Variants in TP53BP1 observed in about 807,000 individuals in gnomAD.
TP53BP1 encodes the protein TP53-binding protein 1.
TP53BP1 carries 61 observed loss-of-function variants against 200.8 expected under a neutral mutation model. The observed-to-expected ratio is 0.30, with a 90% CI of 0.25 to 0.38. TP53BP1 has a LOEUF of 0.38. TP53BP1 is among the 10% of genes least tolerant of loss of function. The probability of loss-of-function intolerance (pLI) is 1.00; values close to 1 mark genes in which losing one functional copy is unlikely to be tolerated. For synonymous variants in TP53BP1, 822 were observed against 844.3 expected, an observed-to-expected ratio of 0.97 and a Z score of 0.46; for missense variants, 2,144 against 2,371.9, an observed-to-expected ratio of 0.90 and a Z score of 2.00.
chr15:43,405,224 G>T lies in TP53BP1; in HGVS notation c.*2159C>A. 6.2e-7 allele frequency: 1 copy of T among 1,613,988 alleles called. No homozygotes were observed. Among genetic ancestry groups the T allele is most frequent in the Non-Finnish European group, 8.5e-7 (1 of 1,179,954 alleles). Reference sequence around the variant, plus strand: ...TAGTTTCGGGATGTGAAAATTTCTGGCTCATAAATTGAAATAACAGCCACG... The same window carrying T: ...TAGTTTCGGGATGTGAAAATTTCTGTCTCATAAATTGAAATAACAGCCACG... On this transcript the variant is annotated 3_prime_UTR_variant, in exon 28 of 28. Coordinates refer to ENST00000382044, the MANE Select transcript of TP53BP1 (RefSeq NM_001141980.3).
intron 16 of TP53BP1, among the ~76,000 whole-genome samples, chr15:43,433,395 T>A (rs2045716113): frequency 6.6e-6 from 1 of 152,176 alleles, no homozygotes; most frequent in African/African-American, 2.4e-5. Flanking sequence ...TACCACGATT[T>A]CCGAAGTGAC....
chr15:43,405,075 G>T lies in TP53BP1; in HGVS notation c.*2308C>A. The T allele has an allele frequency of 9.6e-7, 1 of 1,044,122 alleles. No individual in the cohort carries two copies. Among genetic ancestry groups the T allele is most frequent in the African/African-American group, 1.6e-5 (1 of 62,236 alleles). The allele number at this position is 1,044,122 out of a possible 1,614,324, so 64.7% of individuals were successfully genotyped here. A position where few individuals can be genotyped will look rare whatever the true frequency, so the allele number is the denominator to read the frequency against. ...TTTTTTCTAAGCTATTGTAGCAGAA[G>T]AGTCAAAAGAAACTCTTCAGTTTTA... On this transcript the variant is annotated 3_prime_UTR_variant, in exon 28 of 28. Transcript: ENST00000382044.
At chr15:43,429,283 G>A (rs532865183) in intron 17 of TP53BP1, among the ~76,000 whole-genome samples, 1 of 152,008 alleles carries the variant, frequency 6.6e-6, no homozygotes, top group African/African-American at 2.4e-5. Flanking sequence ...ACCTGCCTGT[G>A]GCTAAAAAAA....
chr15:43,441,656 A>G, intron 14 of TP53BP1, 73 bp from the exon 15 acceptor site: 1 of 946,198 alleles, frequency 1.1e-6, no homozygotes, highest in Non-Finnish European at 1.7e-6. Flanking sequence ...CTAAACCTTC[A>G]CTCTGCTCTA....
Position 43,404,381 on chromosome 15 carries a change from G to A in TP53BP1, c.*3002C>T, listed in dbSNP as rs939377029. The A allele has an allele frequency of 3.7e-6, 6 of 1,613,066 alleles. No homozygotes were observed. Among genetic ancestry groups the A allele is most frequent in the South Asian group, 3.3e-5 (3 of 90,952 alleles). On this transcript the variant is annotated 3_prime_UTR_variant, in exon 28 of 28. Coordinates refer to ENST00000382044, the MANE Select transcript of TP53BP1 (RefSeq NM_001141980.3). ...CCATATGGAGAGTTGGTGAGCTGAA[G>A]TGGAATGACAGCTGAGTCCTTCTCT...
At chr15:43,414,163 C>T (rs1487783628) in intron 23 of TP53BP1, 1 of 467,468 alleles carries the variant, frequency 2.1e-6, no homozygotes, top group South Asian at 1.6e-5. Flanking sequence ...GGCAATATGA[C>T]GTTATATGAA....
rs1160099003 is a variant in TP53BP1, at chr15:43,407,159, T to G, written c.*224A>C. The G allele has an allele frequency of 3.9e-6, 2 of 517,546 alleles. No individual in the cohort carries two copies. The highest frequency in any genetic ancestry group is 1.9e-5 in the African/African-American group (1 of 52,534). 32.1% of individuals were successfully genotyped at this position (517,546 alleles called of 1,614,324 possible). On this transcript the variant is annotated 3_prime_UTR_variant, in exon 28 of 28. Coordinates refer to ENST00000382044, the MANE Select transcript of TP53BP1 (RefSeq NM_001141980.3). ...GTTGAAAGACTCAGAGAAAGTACTA[T>G]GTCTTGTCATTTGTTCTGAGATTAA... is the stretch of plus-strand genomic sequence containing the variant.
chr15:43,462,834 A>G (rs2046472385), intron 11 of TP53BP1, among the ~76,000 whole-genome samples: 1 of 152,124 alleles, frequency 6.6e-6, no homozygotes, highest in African/African-American at 2.4e-5. Context: ...AGGCAGGCAG[A>G]TCACTTAAGG....
Position 43,420,688 on chromosome 15 carries a change from T to G in TP53BP1, c.4298A>C (p.Asn1433Thr), listed in dbSNP as rs748869829. Residue 1433 changes from asparagine to threonine, a missense_variant, in exon 21 of 28, where the codon AAC becomes ACC. Asn to Thr is a moderately conservative substitution (Grantham distance 65). Around this residue, in one of 4 missense-constraint regions of TP53BP1, gnomAD observed 1,700 missense variants for 1,710.3 expected, o/e 0.99. Coordinates refer to ENST00000382044, the MANE Select transcript of TP53BP1 (RefSeq NM_001141980.3). ...GPLGIEDISP[N>T]LSPDDKSFSR... Reference sequence around the variant, plus strand: ...GAAGGATTTATCATCTGGTGACAAGTTAGGTGAAATGTCCTCTATGCCCAA... The same window carrying G: ...GAAGGATTTATCATCTGGTGACAAGGTAGGTGAAATGTCCTCTATGCCCAA... The G allele has an allele frequency of 2.5e-6, 4 of 1,614,042 alleles. No individual in the cohort carries two copies. The highest frequency in any genetic ancestry group is 3.4e-6 in the Non-Finnish European group (4 of 1,180,038).
intron 12 of TP53BP1, among the ~76,000 whole-genome samples, chr15:43,450,248 C>T (rs1433305731): frequency 1.3e-5 from 2 of 152,188 alleles, no homozygotes; most frequent in East Asian, 3.8e-4. Context: ...ATTTAAAACT[C>T]TAAATGTTAA....
intron 12 of TP53BP1, 31 bp from the exon 13 acceptor site, chr15:43,447,516 G>C: frequency 7.3e-7 from 1 of 1,377,168 alleles, no homozygotes. Context: ...AAAAAAGAAA[G>C]AAAGAAAAAA....
At chr15:43,448,670 G>C (rs1159918524) in intron 12 of TP53BP1, among the ~76,000 whole-genome samples, 1 of 151,870 alleles carries the variant, frequency 6.6e-6, no homozygotes, top group Non-Finnish European at 1.5e-5. Flanking sequence ...CTCCCAAGTA[G>C]CTGGGACTAC....
In TP53BP1 at chr15:43,456,095, G is replaced by A. The variant is rs1259927718; in HGVS notation, c.2513C>T (p.Pro838Leu). ...ATCTGCTCTCACTAAAGGTAAGGAAGGCTGTGAAGAATCTTGCTCTACAGG... is the reference window on the plus strand; with the variant it reads ...ATCTGCTCTCACTAAAGGTAAGGAAAGCTGTGAAGAATCTTGCTCTACAGG... Reference protein sequence around the residue: ...TEPVEQDSSQPSLPLVRADDP... With the variant: ...TEPVEQDSSQLSLPLVRADDP... Residue 838 changes from proline to leucine, a missense_variant, in exon 12 of 28, where the codon CCT (proline) becomes CTT (leucine). Coordinates refer to ENST00000382044, the MANE Select transcript of TP53BP1 (RefSeq NM_001141980.3). The A allele has an allele frequency of 6.2e-7, 1 of 1,614,194 alleles. No individual in the cohort carries two copies. Among genetic ancestry groups the A allele is most frequent in the Admixed American group, 1.7e-5 (1 of 60,028 alleles).
chr15:43,457,112 T>G lies in TP53BP1; in HGVS notation c.1496A>C (p.Glu499Ala), dbSNP rs147128866. The change falls in exon 12 of 28, where the codon GAG becomes GCG. Residue 499 changes from glutamate (E) to alanine (A), a missense_variant. Transcript: ENST00000382044. ...SLTVECSKTSEIEPKNSPEDL... is the reference protein window; with the variant it reads ...SLTVECSKTSAIEPKNSPEDL... ...CTCAGGGGAATTCTTTGGTTCAATCTCTGAAGTTTTAGAACACTCAACTGT... is the reference window on the plus strand; with the variant it reads ...CTCAGGGGAATTCTTTGGTTCAATCGCTGAAGTTTTAGAACACTCAACTGT... 1 of 1,614,156 alleles carries G rather than the reference T, an allele frequency of 6.2e-7. No homozygotes were observed. Among genetic ancestry groups the G allele is most frequent in the Non-Finnish European group, 8.5e-7 (1 of 1,180,028 alleles).
chr15:43,479,332 G>C, intron 7 of TP53BP1, 65 bp downstream of exon 7: 4 of 1,439,300 alleles, frequency 2.8e-6, no homozygotes, highest in Non-Finnish European at 3.7e-6. Context: ...TTTTCATCTG[G>C]TAAAATGACA....
In TP53BP1 at chr15:43,503,156, T is replaced by C. The variant is rs987461719; in HGVS notation, c.-9+7214A>G. 5.9e-5 allele frequency among the ~76,000 whole-genome samples: 9 copies of C among 152,368 alleles called. No individual in the cohort carries two copies. The East Asian group carries it at 1.7e-3, about 29-fold the overall frequency. On this transcript the variant is annotated intron_variant, in intron 1 of 27. Coordinates refer to the TP53BP1 transcript ENST00000263801. Reference sequence around the variant, plus strand: ...TGAGTTCAATAAATGGGTGCGTGTGTGTGTGCGCGCATGCGCGGGTGTGTG... The same window carrying C: ...TGAGTTCAATAAATGGGTGCGTGTGCGTGTGCGCGCATGCGCGGGTGTGTG...
At position 43,442,258 on chromosome 15, in the gene TP53BP1, T is replaced by C. The variant is rs539634734; in HGVS notation, c.3041-675A>G. On this transcript the variant is annotated intron_variant, in intron 14 of 27. Coordinates refer to ENST00000382044, the MANE Select transcript of TP53BP1 (RefSeq NM_001141980.3). ...CCGCCACCACGCCCGGCTAATTTTTTTGTATTTTTAGTCGAGACGGGGTTT... is the reference window on the plus strand; with the variant it reads ...CCGCCACCACGCCCGGCTAATTTTTCTGTATTTTTAGTCGAGACGGGGTTT... 8.6e-5 allele frequency among the ~76,000 whole-genome samples: 13 copies of C among 151,888 alleles called. No homozygotes were observed. In the East Asian group the frequency reaches 2.5e-3, roughly 30 times the overall value.
intron 1 of TP53BP1, among the ~76,000 whole-genome samples, chr15:43,505,115 T>A (rs762813713): frequency 1.3e-5 from 2 of 152,132 alleles, no homozygotes; most frequent in Non-Finnish European, 2.9e-5. Context: ...TTATGAAGGA[T>A]CTTTGAGAAG....
intron 14 of TP53BP1, among the ~76,000 whole-genome samples, chr15:43,443,908 A>G (rs901256146): frequency 1.3e-5 from 2 of 152,222 alleles, no homozygotes; most frequent in African/African-American, 4.8e-5. Context: ...ACCCAACATA[A>G]TCTAAACAGT....
Sources: allele counts gnomAD v4.1 joint callset (sites outside exome capture counted in the v4.1 genomes callset), GRCh38; gene constraint gnomAD v4.1.1; regional missense constraint gnomAD v4.1.1; transcripts MANE v1.5; gene names NCBI Gene and HGNC (gene_info 2026-07-23, HGNC 2026-07-21).